Variants in NUFIP1 observed in about 807,000 individuals in gnomAD.
NUFIP1 encodes FMR1-interacting protein NUFIP1.
In NUFIP1, 38 loss-of-function variants were observed where a neutral mutation model predicts 56.2. The observed-to-expected ratio is 0.68, with a 90% confidence interval of 0.52 to 0.89. NUFIP1 has a LOEUF of 0.89. NUFIP1 is among the 40% of genes least tolerant of loss of function. The pLI is 0.00. For synonymous variants in NUFIP1, 215 were observed against 212.4 expected, an observed-to-expected ratio of 1.01 and a Z score of -0.10; for missense variants, 567 against 605.8, an observed-to-expected ratio of 0.94 and a Z score of 0.67.
At chr13:44,982,374 A>G (rs1872225055) in intron 1 of NUFIP1, among the ~76,000 whole-genome samples, 1 of 152,216 alleles carries the variant, frequency 6.6e-6, no homozygotes, top group African/African-American at 2.4e-5. Context: ...ATATGTCCAC[A>G]GAAACTTTAG....
At chr13:44,953,816 A>G (rs1190956929) in intron 7 of NUFIP1, among the ~76,000 whole-genome samples, 1 of 152,194 alleles carries the variant, frequency 6.6e-6, no homozygotes, top group Non-Finnish European at 1.5e-5. Flanking sequence ...ACTTGTTCCT[A>G]GGAGTGTCAA....
chr13:44,968,593 T>C (rs1433898259), intron 5 of NUFIP1, among the ~76,000 whole-genome samples: 1 of 152,206 alleles, frequency 6.6e-6, no homozygotes, highest in Non-Finnish European at 1.5e-5. Context: ...GAAGAGAATA[T>C]GCAGAAGTAG....
chr13:44,966,995 TAAATA>T (rs1440184822), intron 5 of NUFIP1, among the ~76,000 whole-genome samples: 1 of 148,564 alleles, frequency 6.7e-6, no homozygotes, highest in African/African-American at 2.5e-5. Flanking sequence ...AATAAATAAA[TAAATA>T]AAATAAAATA....
chr13:44,979,329 G>GAAACAAAGTCTCCA, intron 4 of NUFIP1, 63 bp from the exon 5 acceptor site: 2 of 1,344,162 alleles, frequency 1.5e-6, no homozygotes, highest in Non-Finnish European at 2.1e-6. Flanking sequence ...CTAACTTGGA[G>GAAACAAAGTCTCCA]ACTTTGTTTC....
chr13:44,963,971 T>C (rs1277658152), intron 6 of NUFIP1, among the ~76,000 whole-genome samples: 1 of 152,214 alleles, frequency 6.6e-6, no homozygotes, highest in Non-Finnish European at 1.5e-5. Context: ...GACATTAATA[T>C]TGTTATACCA....
In NUFIP1 at chr13:44,959,419, T is replaced by G; in HGVS notation, c.983A>C (p.Asn328Thr). The G allele has an allele frequency of 6.2e-7, 1 of 1,614,018 alleles. No individual in the cohort carries two copies. Among genetic ancestry groups the G allele is most frequent in the Non-Finnish European group, 8.5e-7 (1 of 1,180,002 alleles). Residue 328 changes from asparagine (N) to threonine (T), a missense_variant, in exon 7 of 10, where the codon AAT (asparagine) becomes ACT (threonine). Transcript: ENST00000379161. ...TATCAAAACACCAAGAGGATCTGCA[T>G]TTGCCTCCGGTGGACCTTCTAGCTT... ...DLKLEGPPEANADPLGVLINS... is the reference protein window; with the variant it reads ...DLKLEGPPEATADPLGVLINS...
chr13:44,987,558 CA>C (rs756063397), intron 1 of NUFIP1, among the ~76,000 whole-genome samples: 1 of 152,004 alleles, frequency 6.6e-6, no homozygotes, highest in Non-Finnish European at 1.5e-5. Flanking sequence ...TGCAGGAAAA[CA>C]TACTTTTACA....
intron 7 of NUFIP1, among the ~76,000 whole-genome samples, chr13:44,953,287 TGGG>T (rs1039384487): frequency 6.6e-6 from 1 of 152,124 alleles, no homozygotes; most frequent in Non-Finnish European, 1.5e-5. Flanking sequence ...ATAAATATTT[TGGG>T]GGGAGATATT....
intron 4 of NUFIP1, among the ~76,000 whole-genome samples, chr13:44,979,640 G>T (rs962534608): frequency 6.6e-6 from 1 of 152,166 alleles, no homozygotes; most frequent in African/African-American, 2.4e-5. Context: ...ACAATTTGGA[G>T]TCAAGAAACT....
chr13:44,961,110 C>CTG (rs370952385), intron 6 of NUFIP1, among the ~76,000 whole-genome samples: 31 of 145,060 alleles, frequency 2.1e-4, no homozygotes, highest in South Asian at 8.9e-4. Flanking sequence ...CTAATTTAAA[C>CTG]TGTGTGTGTG....
In NUFIP1 at chr13:44,979,356, T is replaced by C. The variant is rs570369158; in HGVS notation, c.658-90A>G. On this transcript the variant is annotated intron_variant, in intron 4 of 9. Transcript: ENST00000379161. ...CTTTGTTTCTACAAGTAAACTTATG[T>C]TGGACACAATTTTAAAACCAAGTAA... 5 of 1,006,380 alleles carry C rather than the reference T, an allele frequency of 5.0e-6. No homozygotes were observed. The Admixed American group carries it at 7.5e-5, about 15-fold the overall frequency. 62.3% of individuals were successfully genotyped at this position (1,006,380 alleles called of 1,614,324 possible).
rs1021109061 is a variant in NUFIP1 at position 44,983,177 on chromosome 13, A to AT, written c.413-1024dup. On this transcript the variant is annotated intron_variant, in intron 1 of 9. Transcript: ENST00000379161. Reference sequence around the variant, plus strand: ...CTGACCCTGTCTCTTATTTTATTTTATTTTTTTTGGCGGGGGAGATGCAGT... The same window carrying AT: ...CTGACCCTGTCTCTTATTTTATTTTATTTTTTTTTGGCGGGGGAGATGCAGT... Among the ~76,000 whole-genome samples, 211 of 151,254 alleles carry AT rather than the reference A, an allele frequency of 1.4e-3. 2 individuals carry two copies. Among genetic ancestry groups the AT allele is most frequent in the South Asian group, 6.5e-3 (31 of 4,782 alleles).
chr13:44,975,040 C>G (rs1871923095), intron 5 of NUFIP1, among the ~76,000 whole-genome samples: 1 of 152,098 alleles, frequency 6.6e-6, no homozygotes, highest in Non-Finnish European at 1.5e-5. Flanking sequence ...GCACTGCTAA[C>G]CATATCTTCC....
chr13:44,969,496 T>A (rs1014556227), intron 5 of NUFIP1, among the ~76,000 whole-genome samples: 2 of 152,214 alleles, frequency 1.3e-5, no homozygotes, highest in African/African-American at 4.8e-5. Context: ...ATGGATAATA[T>A]GAAGTTATAA....
Position 44,940,499 on chromosome 13 carries a change from T to C in NUFIP1, c.*707A>G, listed in dbSNP as rs536814054. ...CAATAGCTACAGCTAGTACAATGACTAGAACACAAGCTCAAATTCCCTGGT... is the reference window on the plus strand; with the variant it reads ...CAATAGCTACAGCTAGTACAATGACCAGAACACAAGCTCAAATTCCCTGGT... On this transcript the variant is annotated 3_prime_UTR_variant, in exon 10 of 10. Transcript: ENST00000379161. 3 of 152,354 alleles carry C rather than the reference T, an allele frequency of 2.0e-5. No individual in the cohort carries two copies. The highest frequency in any genetic ancestry group is 7.2e-5 in the African/African-American group (3 of 41,594). The allele number at this position is 152,354 out of a possible 1,614,324, so 9.4% of individuals were successfully genotyped here. A position where few individuals can be genotyped will look rare whatever the true frequency, so the allele number is the denominator to read the frequency against.
intron 7 of NUFIP1, among the ~76,000 whole-genome samples, chr13:44,951,358 G>T (rs1367801106): frequency 6.6e-6 from 1 of 152,160 alleles, no homozygotes; most frequent in Non-Finnish European, 1.5e-5. Context: ...TCCTTATGAG[G>T]TATGTGATGA....
intron 5 of NUFIP1, among the ~76,000 whole-genome samples, chr13:44,978,623 T>C (rs949076993): frequency 6.6e-6 from 1 of 152,190 alleles, no homozygotes. Flanking sequence ...ATTTCTTTAA[T>C]CATAGGAATG....
chr13:44,969,645 T>C lies in NUFIP1; in HGVS notation c.735-3709A>G, dbSNP rs562447144. Among the ~76,000 whole-genome samples, 4 of 152,320 alleles carry C rather than the reference T, an allele frequency of 2.6e-5. No homozygotes were observed. The East Asian group carries it at 7.7e-4, about 29-fold the overall frequency. ...AAACTATGCTCTTTTCCTTCCTCTC[T>C]TCTTTCATTTTTTACCTCTTCTTCA... is the stretch of plus-strand genomic sequence containing the variant. On this transcript the variant is annotated intron_variant, in intron 5 of 9. Transcript: ENST00000379161.
At chr13:44,963,896 T>C (rs1324295688) in intron 6 of NUFIP1, among the ~76,000 whole-genome samples, 1 of 152,206 alleles carries the variant, frequency 6.6e-6, no homozygotes. Flanking sequence ...ACTGACTCTT[T>C]TAACATTACA....
Sources: gnomAD v4.1 joint callset for allele counts (sites outside exome capture counted in the v4.1 genomes callset) on GRCh38, gnomAD v4.1.1 for gene constraint, MANE v1.5 for transcripts, NCBI Gene and HGNC (gene_info 2026-07-23, HGNC 2026-07-21) for gene names.